The following SLF1 variants were observed in gnomAD, a reference collection of about 807,000 sequenced individuals.
SLF1 encodes SMC5/6 complex localization factor 1, also known as SMC5-SMC6 complex localization factor protein 1.
A neutral mutation model predicts 123.0 loss-of-function variants in SLF1; 105 were observed. That is an observed-to-expected ratio of 0.85 (90% CI 0.73 to 1.00). SLF1 has a LOEUF of 1.00. Among genes scored for constraint, SLF1 ranks in the 50% least tolerant of loss-of-function variants. The pLI, the probability that SLF1 is intolerant of heterozygous loss-of-function variation, is 0.00. For synonymous variants in SLF1, 434 were observed against 406.6 expected, an observed-to-expected ratio of 1.07 and a Z score of -0.81; for missense variants, 1,239 against 1,223.0, an observed-to-expected ratio of 1.01 and a Z score of -0.20.
chr5:94,650,186 C>T (rs1213232165), intron 6 of SLF1, among the ~76,000 whole-genome samples: 1 of 152,000 alleles, frequency 6.6e-6, no homozygotes, highest in Non-Finnish European at 1.5e-5. Context: ...GTTATGTTCA[C>T]TTTCATATTG....
chr5:94,670,572 T>G (rs1361259520), intron 13 of SLF1, among the ~76,000 whole-genome samples: 4 of 151,888 alleles, frequency 2.6e-5, no homozygotes, highest in Non-Finnish European at 5.9e-5. Flanking sequence ...AGTAAAAAAC[T>G]ACACCAATTT....
intron 4 of SLF1, among the ~76,000 whole-genome samples, chr5:94,639,546 A>G (rs1258914764): frequency 3.3e-5 from 5 of 152,140 alleles, no homozygotes; most frequent in African/African-American, 1.2e-4. Flanking sequence ...AAAACAATAT[A>G]CAGTTGACAG....
Position 94,654,622 on chromosome 5 carries a change from A to C in SLF1, c.1033-8A>C, listed in dbSNP as rs960279719. On this transcript the variant is annotated splice_polypyrimidine_tract_variant and splice_region_variant and intron_variant, in intron 8 of 20. Coordinates refer to ENST00000265140, the MANE Select transcript of SLF1 (RefSeq NM_032290.4). ...TTTTCTAAAGTCATTTTACTTTGCT[A>C]TATGCAGAAAGAAATGAAGAATTCT... The C allele has an allele frequency of 2.6e-6, 4 of 1,530,406 alleles. No homozygotes were observed. In the African/African-American group the frequency reaches 4.2e-5, roughly 16 times the overall value. 94.8% of individuals were successfully genotyped at this position (1,530,406 alleles called of 1,614,324 possible).
intron 20 of SLF1, 83 bp from the exon 21 acceptor site, chr5:94,694,748 C>A: frequency 6.8e-7 from 1 of 1,478,772 alleles, no homozygotes; most frequent in Non-Finnish European, 9.0e-7. Context: ...GCACTGGATG[C>A]TTTGGGAAAA....
At chr5:94,686,177 T>C (rs1053529763) in intron 15 of SLF1, among the ~76,000 whole-genome samples, 1 of 152,214 alleles carries the variant, frequency 6.6e-6, no homozygotes, top group Non-Finnish European at 1.5e-5. Flanking sequence ...ACTTGTATGT[T>C]CATTTAAAAA....
chr5:94,651,496 C>T (rs560409645), intron 6 of SLF1, among the ~76,000 whole-genome samples: 119 of 152,268 alleles, frequency 7.8e-4, no homozygotes, highest in African/African-American at 2.6e-3. Flanking sequence ...TATATGTTAA[C>T]GTACTATAAA....
In SLF1 at chr5:94,651,786, A is replaced by G. The variant is rs1238939078; in HGVS notation, c.823A>G (p.Lys275Glu). The change falls in exon 7 of 21, where the codon AAA becomes GAA. Residue 275 changes from lysine to glutamate, a missense_variant. Physicochemically the swap from Lys to Glu is moderately conservative, Grantham distance 56. Coordinates refer to ENST00000265140, the MANE Select transcript of SLF1 (RefSeq NM_032290.4). ...HKKEKFSGSS[K>E]DLKFVKMRNT... is the part of the protein sequence containing the mutation. Reference sequence around the variant, plus strand: ...AAAAGAAAAATTCAGTGGTTCCAGTAAAGATTTGAAATTTGTTAAAATGAG... The same window carrying G: ...AAAAGAAAAATTCAGTGGTTCCAGTGAAGATTTGAAATTTGTTAAAATGAG... The G allele has an allele frequency of 2.6e-6, 4 of 1,518,122 alleles. No individual in the cohort carries two copies. The highest frequency in any genetic ancestry group is 3.5e-6 in the Non-Finnish European group (4 of 1,126,920). The allele number at this position is 1,518,122 out of a possible 1,614,324, so 94.0% of individuals were successfully genotyped here.
At position 94,678,850 on chromosome 5, in the gene SLF1, G is replaced by A; in HGVS notation, c.1870G>A (p.Gly624Arg). The change falls in exon 15 of 21, where the codon GGA becomes AGA. Residue 624 changes from glycine (G) to arginine (R), a missense_variant. By Grantham distance (125) the Gly-to-Arg change is moderately radical. Transcript: ENST00000265140. ...ELAYLLAGIL[G>R]AAIDYWIFLG... ...AGCTTACTTATTGGCTGGAATTCTTGGAGCAGCAATAGATTATTGGATTTT... is the reference window on the plus strand; with the variant it reads ...AGCTTACTTATTGGCTGGAATTCTTAGAGCAGCAATAGATTATTGGATTTT... The A allele has an allele frequency of 6.2e-7, 1 of 1,613,490 alleles. No homozygotes were observed. Among genetic ancestry groups the A allele is most frequent in the South Asian group, 1.1e-5 (1 of 91,020 alleles).
At chr5:94,645,453 A>G (rs956403683) in intron 5 of SLF1, among the ~76,000 whole-genome samples, 9 of 152,200 alleles carry the variant, frequency 5.9e-5, no homozygotes, top group African/African-American at 2.2e-4. Context: ...TTGGTTTTCT[A>G]TTATTTGTAG....
Position 94,670,135 on chromosome 5 carries a change from G to A in SLF1, c.1533-16G>A. 1.3e-6 allele frequency: 2 copies of A among 1,526,040 alleles called. No homozygotes were observed. The highest frequency in any genetic ancestry group is 1.8e-6 in the Non-Finnish European group (2 of 1,136,122). The allele number at this position is 1,526,040 out of a possible 1,614,324, so 94.5% of individuals were successfully genotyped here. On this transcript the variant is annotated splice_polypyrimidine_tract_variant and intron_variant, in intron 12 of 20. Transcript: ENST00000265140. ...ATTGCTTGTATGTTATAGATTTTTG[G>A]GTTCATGTTTTTCAGGTCTTGCCTT... is the stretch of plus-strand genomic sequence containing the variant.
chr5:94,653,408 A>G lies in SLF1; in HGVS notation c.1019A>G (p.Tyr340Cys). 1.3e-6 allele frequency: 2 copies of G among 1,502,364 alleles called. No individual in the cohort carries two copies. The highest frequency in any genetic ancestry group is 1.8e-6 in the Non-Finnish European group (2 of 1,132,638). The allele number at this position is 1,502,364 out of a possible 1,614,324, so 93.1% of individuals were successfully genotyped here. The change falls in exon 8 of 21, where the codon TAT (tyrosine) becomes TGT (cysteine). Residue 340 changes from tyrosine to cysteine, a missense_variant. Transcript: ENST00000265140. ...KIKSTLRRHI[Y>C]NRDQKEMKNS... ...AAAAGTACCTTAAGAAGGCACATAT[A>G]TAATAGAGATCAGGTAAAGTTTGTA...
chr5:94,626,854 T>C (rs1022902001), intron 1 of SLF1, among the ~76,000 whole-genome samples: 5 of 152,156 alleles, frequency 3.3e-5, no homozygotes, highest in African/African-American at 1.2e-4. Flanking sequence ...CATTTAGTTG[T>C]CTCAAGGAGC....
chr5:94,619,106 G>T (rs992197992), intron 1 of SLF1, among the ~76,000 whole-genome samples: 1 of 152,082 alleles, frequency 6.6e-6, no homozygotes, highest in African/African-American at 2.4e-5. Flanking sequence ...TCGGCCCGCC[G>T]CCTGGAAGGC....
At position 94,695,180 on chromosome 5, in the gene SLF1, A is replaced by G; in HGVS notation, c.3045A>G (p.Ile1015Met). The change falls in exon 21 of 21, where the codon ATA becomes ATG. Residue 1015 changes from isoleucine to methionine, a missense_variant. Transcript: ENST00000265140. The stretch of plus-strand genomic sequence containing the variant: ...TACTGGATCTTTATGCTGGAAATAT[A>G]AAGACATTGCAGAAACTCCCACACA... The part of the protein sequence containing the change: ...DWLLDLYAGN[I>M]KTLQKLPHIL... 1 of 1,612,836 alleles carries G rather than the reference A, an allele frequency of 6.2e-7. No individual in the cohort carries two copies. The highest frequency in any genetic ancestry group is 1.7e-5 in the Admixed American group (1 of 59,908).
intron 4 of SLF1, among the ~76,000 whole-genome samples, chr5:94,637,535 A>G (rs1561429063): frequency 6.6e-6 from 1 of 152,050 alleles, no homozygotes; most frequent in Non-Finnish European, 1.5e-5. Flanking sequence ...GTACCCCAAG[A>G]TTAAGTAGAA....
chr5:94,671,139 C>G lies in SLF1; in HGVS notation c.1827+131C>G, dbSNP rs2152490317. On this transcript the variant is annotated intron_variant, in intron 14 of 20. Transcript: ENST00000265140. ...ATGTACCCAAATATATCATTGTTTT[C>G]TATTTAGTTTAGTTTTAAGGTAAAA... is the stretch of plus-strand genomic sequence containing the variant. The G allele has an allele frequency of 1.4e-5, 10 of 699,516 alleles. No individual in the cohort carries two copies. The South Asian group carries it at 3.3e-4, about 23-fold the overall frequency. 43.3% of individuals were successfully genotyped at this position (699,516 alleles called of 1,614,324 possible).
At chr5:94,629,205 CT>C in intron 3 of SLF1, 38 bp downstream of exon 3, 1 of 1,472,066 alleles carries the variant, frequency 6.8e-7, no homozygotes, top group Non-Finnish European at 9.2e-7. Flanking sequence ...TAAAAACAAT[CT>C]TCGTGTTAAA....
chr5:94,688,426 A>C, intron 16 of SLF1, 80 bp from the exon 17 acceptor site: 1 of 1,404,500 alleles, frequency 7.1e-7, no homozygotes. Context: ...AACCAAATGT[A>C]ATAGTGAAAT....
At chr5:94,657,047 CTAAA>C (rs1307950764) in intron 9 of SLF1, among the ~76,000 whole-genome samples, 3 of 149,202 alleles carry the variant, frequency 2.0e-5, no homozygotes, top group Non-Finnish European at 4.5e-5. Flanking sequence ...TATAATTAAT[CTAAA>C]TAATAATAGA....
Sources: gnomAD v4.1 joint callset for allele counts (sites outside exome capture counted in the v4.1 genomes callset) on GRCh38, gnomAD v4.1.1 for gene constraint, MANE v1.5 for transcripts, NCBI Gene and HGNC (gene_info 2026-07-23, HGNC 2026-07-21) for gene names.